The following SDK1 variants were observed in gnomAD, a reference collection of about 807,000 sequenced individuals.
SDK1 encodes the protein protein sidekick-1.
SDK1 carries 157 observed loss-of-function variants against 245.5 expected under a neutral mutation model. That is an observed-to-expected ratio of 0.64 (90% CI 0.56 to 0.73). The LOEUF (loss-of-function observed/expected upper bound fraction) is 0.73, where lower values mean the gene tolerates loss of function less well. SDK1 is among the 30% of genes least tolerant of loss of function. The pLI is 0.00. For synonymous variants in SDK1, 1,647 were observed against 1,278.5 expected (o/e 1.29, Z -6.15); for missense variants, 3,583 against 3,002.3 (o/e 1.19, Z -4.52).
In SDK1 at chr7:4,129,910, C is replaced by T; in HGVS notation, c.3942C>T (p.Ile1314=). The stretch of plus-strand genomic sequence containing the variant: ...CTCGTGCTGTGTCGATACCACAGAT[C>T]CTGTTCCGGGCCAAAGACCTGGATC... ...DQNGLILGYK[I]LFRAKDLDPE... Residue 1314 remains isoleucine (I), a splice_region_variant and synonymous_variant, in exon 27 of 45, where the codon ATC becomes ATT. Transcript: ENST00000404826. The T allele has an allele frequency of 6.2e-7, 1 of 1,613,594 alleles. No individual in the cohort carries two copies. The highest frequency in any genetic ancestry group is 8.5e-7 in the Non-Finnish European group (1 of 1,179,872).
intron 2 of SDK1, among the ~76,000 whole-genome samples, chr7:3,631,047 C>G (rs565775031): frequency 2.0e-5 from 3 of 152,254 alleles, no homozygotes; most frequent in South Asian, 4.1e-4. Context: ...ATCCCCCCAT[C>G]TCAGCCTCCC....
chr7:3,835,443 G>T (rs981619618), intron 5 of SDK1, among the ~76,000 whole-genome samples: 1 of 152,134 alleles, frequency 6.6e-6, no homozygotes, highest in Non-Finnish European at 1.5e-5. Flanking sequence ...TGTGCCGTGA[G>T]ATGGGCTTTA....
chr7:3,917,197 C>G (rs1397357042), intron 5 of SDK1, among the ~76,000 whole-genome samples: 1 of 152,188 alleles, frequency 6.6e-6, no homozygotes, highest in African/African-American at 2.4e-5. Context: ...AAATAAAAAT[C>G]AATCACTTGA....
chr7:3,515,441 G>A (rs1782715291), intron 1 of SDK1, among the ~76,000 whole-genome samples: 1 of 152,160 alleles, frequency 6.6e-6, no homozygotes, highest in Non-Finnish European at 1.5e-5. Flanking sequence ...ACAGTGATGA[G>A]ATGGTGCTAA....
intron 1 of SDK1, among the ~76,000 whole-genome samples, chr7:3,391,834 G>A (rs1781764635): frequency 6.6e-6 from 1 of 151,534 alleles, no homozygotes; most frequent in Admixed American, 6.6e-5. Context: ...TTGCTATGTT[G>A]CCCAGGCTGG....
intron 26 of SDK1, 74 bp from the exon 27 acceptor site, chr7:4,129,834 G>A (rs778081373): frequency 3.8e-5 from 61 of 1,594,072 alleles, no homozygotes; most frequent in Non-Finnish European, 4.9e-5. Context: ...TCACGAAGGG[G>A]GCCTGCCCCA....
chr7:4,237,585 G>C (rs557946399), intron 41 of SDK1, 62 bp from the exon 42 acceptor site: 9 of 1,600,278 alleles, frequency 5.6e-6, no homozygotes, highest in Non-Finnish European at 7.7e-6. Context: ...CCTGACTCGC[G>C]GGAGGTGACT....
At chr7:3,480,352 T>TA (rs2128601785) in intron 1 of SDK1, among the ~76,000 whole-genome samples, 1 of 152,222 alleles carries the variant, frequency 6.6e-6, no homozygotes, top group Admixed American at 6.5e-5. Flanking sequence ...CTCGTGCACA[T>TA]ATGCTCATGT....
At chr7:3,565,396 T>G (rs936279407) in intron 1 of SDK1, among the ~76,000 whole-genome samples, 12 of 152,210 alleles carry the variant, frequency 7.9e-5, no homozygotes, top group African/African-American at 2.2e-4. Context: ...CAAATGCTCA[T>G]TACCTCTGCT....
chr7:3,525,592 C>G (rs1287230233), intron 1 of SDK1, among the ~76,000 whole-genome samples: 1 of 152,080 alleles, frequency 6.6e-6, no homozygotes, highest in Non-Finnish European at 1.5e-5. Flanking sequence ...GGCCTGTACT[C>G]TAGCATTAGG....
chr7:3,326,335 C>G (rs965653470), intron 1 of SDK1, among the ~76,000 whole-genome samples: 8 of 152,146 alleles, frequency 5.3e-5, no homozygotes, highest in Non-Finnish European at 1.0e-4. Flanking sequence ...CAGTCCACAA[C>G]TTGCCAGTTT....
intron 1 of SDK1, among the ~76,000 whole-genome samples, chr7:3,512,851 T>C (rs943543206): frequency 1.3e-5 from 2 of 152,206 alleles, no homozygotes; most frequent in African/African-American, 2.4e-5. Flanking sequence ...TTTTTCTGTT[T>C]TGTTAAAGTG....
chr7:3,386,643 A>G (rs919434846), intron 1 of SDK1, among the ~76,000 whole-genome samples: 2 of 152,144 alleles, frequency 1.3e-5, no homozygotes, highest in African/African-American at 4.8e-5. Flanking sequence ...CACCATTTAC[A>G]GGGAAATGCT....
chr7:3,600,185 G>A (rs916213732), intron 1 of SDK1, among the ~76,000 whole-genome samples: 4 of 152,174 alleles, frequency 2.6e-5, no homozygotes, highest in Non-Finnish European at 5.9e-5. Flanking sequence ...TGGAGTGATT[G>A]TAAATGGTAT....
At chr7:4,067,804 T>A in intron 19 of SDK1, 34 bp from the exon 20 acceptor site, 1 of 1,541,594 alleles carries the variant, frequency 6.5e-7, no homozygotes, top group Non-Finnish European at 8.9e-7. Flanking sequence ...TTTGGGCTAT[T>A]GTGTTAACAG....
rs1408450490 is a variant in SDK1 at position 4,026,277 on chromosome 7, A to T, written c.2602+8925A>T. ...GGTCGGGAGAGGAAGAGGAAGAGAC[A>T]CCAAGTCGGCAGGAGCCCAAGCGAG... On this transcript the variant is annotated intron_variant, in intron 17 of 44. Transcript: ENST00000404826. The surrounding 1 kb of genome is among the most constrained non-coding windows in gnomAD (Gnocchi z 4.1). Among the ~76,000 whole-genome samples the T allele has an allele frequency of 6.6e-6, 1 of 152,242 alleles. No homozygotes were observed. The highest frequency in any genetic ancestry group is 3.2e-3 in the Middle Eastern group (1 of 316).
intron 1 of SDK1, among the ~76,000 whole-genome samples, chr7:3,354,445 A>G (rs1278452459): frequency 2.6e-5 from 4 of 152,222 alleles, no homozygotes; most frequent in African/African-American, 7.2e-5. Flanking sequence ...ATAGTTTTTC[A>G]TTGGTTCCAA....
chr7:4,104,232 G>GT (rs992207491), intron 22 of SDK1, among the ~76,000 whole-genome samples: 5 of 152,154 alleles, frequency 3.3e-5, no homozygotes, highest in African/African-American at 1.2e-4. Flanking sequence ...GCTAGATTTT[G>GT]TATGTTTTAT....
intron 4 of SDK1, among the ~76,000 whole-genome samples, chr7:3,709,775 T>G (rs1784989689): frequency 6.6e-6 from 1 of 152,248 alleles, no homozygotes; most frequent in African/African-American, 2.4e-5. Flanking sequence ...CTAGGTACTT[T>G]GCAAGATGAA....
Sources: allele counts gnomAD v4.1 joint callset (sites outside exome capture counted in the v4.1 genomes callset), GRCh38; gene constraint gnomAD v4.1.1; non-coding constraint Gnocchi (gnomAD v3.1); transcripts MANE v1.5; gene names NCBI Gene and HGNC (gene_info 2026-07-23, HGNC 2026-07-21).